Variants in TMEM272 observed in about 807,000 individuals in gnomAD.
TMEM272 encodes the protein long intergenic non-protein coding RNA 282.
A neutral mutation model predicts 3.7 loss-of-function variants in TMEM272; 8 were observed. The observed-to-expected ratio is 2.17, with a 90% CI of 1.27 to 3.91. TMEM272 has a LOEUF of 3.91. Among genes scored for constraint, TMEM272 ranks in the 30% most tolerant of loss-of-function variants. The pLI is 0.00. For missense variants in TMEM272, 166 were observed against 91.5 expected (o/e 1.81, Z -3.32); for synonymous variants, 63 against 39.8 (o/e 1.58, Z -2.20).
chr13:51,855,332 G>A, the TMEM272 span, among the ~76,000 whole-genome samples: 1 of 152,234 alleles, frequency 6.6e-6, no homozygotes, highest in East Asian at 1.9e-4. Flanking sequence ...TAGCCTCTCT[G>A]CCTACCAGAA....
the TMEM272 span, among the ~76,000 whole-genome samples, chr13:51,902,233 A>C: frequency 1.3e-5 from 2 of 152,238 alleles, no homozygotes; most frequent in African/African-American, 4.8e-5. Context: ...TGTTGAAGAC[A>C]GTTTCCCAGT....
chr13:51,870,948 G>A, the TMEM272 span, among the ~76,000 whole-genome samples: 1 of 152,188 alleles, frequency 6.6e-6, no homozygotes, highest in South Asian at 2.1e-4. Context: ...GCAGATATCA[G>A]ATATTGCAGA....
intron 3 of TMEM272, among the ~76,000 whole-genome samples, 154 bp downstream of exon 3, chr13:51,826,412 C>A (rs1384180584): frequency 6.6e-6 from 1 of 152,204 alleles, no homozygotes; most frequent in Non-Finnish European, 1.5e-5. Flanking sequence ...TAAATCTTCA[C>A]CAAGTCATTC....
the TMEM272 span, among the ~76,000 whole-genome samples, chr13:51,922,434 TTTTA>T: frequency 1.3e-5 from 2 of 152,152 alleles, no homozygotes; most frequent in Non-Finnish European, 2.9e-5. Context: ...TTTAAATTAT[TTTTA>T]TTTATTTAGT....
At chr13:51,863,852 C>A in the TMEM272 span, among the ~76,000 whole-genome samples, 2 of 152,212 alleles carry the variant, frequency 1.3e-5, no homozygotes, top group Non-Finnish European at 2.9e-5. Flanking sequence ...CGGACCCTGG[C>A]AGCTTCCTCC....
At chr13:51,903,609 C>T in the TMEM272 span, among the ~76,000 whole-genome samples, 1 of 152,156 alleles carries the variant, frequency 6.6e-6, no homozygotes, top group Admixed American at 6.5e-5. Flanking sequence ...GTGCAGGAGA[C>T]CCTGAGCATC....
intron 2 of TMEM272, among the ~76,000 whole-genome samples, chr13:51,837,102 C>T (rs1002487906): frequency 7.9e-5 from 12 of 152,168 alleles, no homozygotes; most frequent in Non-Finnish European, 1.8e-4. Context: ...ACAACAAGGG[C>T]AGAAATCTCA....
intron 4 of TMEM272, among the ~76,000 whole-genome samples, chr13:51,817,982 TG>T: frequency 6.6e-6 from 1 of 152,106 alleles, no homozygotes; most frequent in East Asian, 1.9e-4. Flanking sequence ...AGGACACAGG[TG>T]GTCTTTGCTA....
At chr13:51,923,536 G>A in the TMEM272 span, among the ~76,000 whole-genome samples, 1 of 152,154 alleles carries the variant, frequency 6.6e-6, no homozygotes, top group Admixed American at 6.5e-5. Context: ...GGAAAGTGCC[G>A]GCAGCCACTC....
the TMEM272 span, among the ~76,000 whole-genome samples, chr13:51,924,061 C>T: frequency 2.0e-5 from 3 of 152,284 alleles, no homozygotes; most frequent in Middle Eastern, 3.4e-3. Context: ...CAACCTACTC[C>T]TGATCAATTT....
At chr13:51,914,917 T>C in the TMEM272 span, among the ~76,000 whole-genome samples, 3 of 152,258 alleles carry the variant, frequency 2.0e-5, no homozygotes, top group Non-Finnish European at 4.4e-5. Flanking sequence ...TTAATTACTC[T>C]GTCAAGAATC....
the TMEM272 span, chr13:51,865,958 G>A: frequency 1.2e-6 from 2 of 1,614,162 alleles, no homozygotes; most frequent in Non-Finnish European, 1.7e-6. Context: ...CCTCTGGGAG[G>A]AAGAGAGGGC....
chr13:51,908,921 A>C, the TMEM272 span: 3 of 1,393,290 alleles, frequency 2.2e-6, no homozygotes, highest in Non-Finnish European at 3.1e-6. Flanking sequence ...TTTCCTTGGT[A>C]ATCTGGTGGT....
chr13:51,830,195 C>A (rs534677172), intron 2 of TMEM272, among the ~76,000 whole-genome samples: 1 of 152,340 alleles, frequency 6.6e-6, no homozygotes, highest in African/African-American at 2.4e-5. Flanking sequence ...AATTAGTGTG[C>A]TTTTCTCCTG....
chr13:51,875,566 C>T, the TMEM272 span, among the ~76,000 whole-genome samples: 1 of 152,298 alleles, frequency 6.6e-6, no homozygotes, highest in Non-Finnish European at 1.5e-5. Context: ...ATGACAGTTC[C>T]TTGGAATTCT....
chr13:51,874,311 A>G, the TMEM272 span, among the ~76,000 whole-genome samples: 1 of 152,230 alleles, frequency 6.6e-6, no homozygotes, highest in Non-Finnish European at 1.5e-5. Flanking sequence ...GATAAATGCC[A>G]TCTCTAATAA....
At chr13:51,887,724 C>T in the TMEM272 span, among the ~76,000 whole-genome samples, 8,680 of 152,258 alleles carry the variant, frequency 0.057, 289 homozygotes, top group Middle Eastern at 0.11. Flanking sequence ...AATTGTGAGC[C>T]TTCTGGCACA....
chr13:51,916,834 A>G, the TMEM272 span, among the ~76,000 whole-genome samples: 1 of 152,102 alleles, frequency 6.6e-6, no homozygotes, highest in East Asian at 1.9e-4. Context: ...AGAATTCAGT[A>G]CCCTTCTACC....
the TMEM272 span, among the ~76,000 whole-genome samples, chr13:51,896,131 A>G: frequency 1.4e-4 from 22 of 152,226 alleles, no homozygotes; most frequent in Admixed American, 1.4e-3. Flanking sequence ...TTGGCACAGG[A>G]AAGTCCAACA....
Sources: allele counts gnomAD v4.1 joint callset (sites outside exome capture counted in the v4.1 genomes callset), GRCh38; gene constraint gnomAD v4.1.1; transcripts MANE v1.5; gene names NCBI Gene and HGNC (gene_info 2026-07-23, HGNC 2026-07-21).